Variants in TRIM9 observed in about 807,000 individuals in gnomAD.
The protein encoded by TRIM9 is tripartite motif containing 9, also known as E3 ubiquitin-protein ligase TRIM9.
In TRIM9, 26 loss-of-function variants were observed where a neutral mutation model predicts 78.3. That is an observed-to-expected ratio of 0.33 (90% CI 0.24 to 0.46). The LOEUF (loss-of-function observed/expected upper bound fraction) is 0.46. Among genes scored for constraint, TRIM9 ranks in the 20% least tolerant of loss-of-function variants. The probability of loss-of-function intolerance (pLI) is 1.00; values close to 1 mark genes in which losing one functional copy is unlikely to be tolerated. For synonymous variants in TRIM9, 398 were observed against 416.5 expected, an observed-to-expected ratio of 0.96 and a Z score of 0.54; for missense variants, 787 against 1,036.4, an observed-to-expected ratio of 0.76 and a Z score of 3.30.
chr14:51,017,127 A>G (rs2139707645), intron 3 of TRIM9, among the ~76,000 whole-genome samples: 1 of 152,338 alleles, frequency 6.6e-6, no homozygotes, highest in Middle Eastern at 3.4e-3. Context: ...CTACCATTTC[A>G]TTGTCACGTT....
At chr14:51,083,448 C>G (rs1195209143) in intron 1 of TRIM9, among the ~76,000 whole-genome samples, 2 of 151,698 alleles carry the variant, frequency 1.3e-5, no homozygotes, top group African/African-American at 4.8e-5. Context: ...TTTTAGAGAT[C>G]AGGTCTCAGT....
chr14:51,032,214 C>A (rs964334176), intron 1 of TRIM9, among the ~76,000 whole-genome samples: 30 of 152,308 alleles, frequency 2.0e-4, no homozygotes, highest in African/African-American at 7.0e-4. Flanking sequence ...CAATGGGGAC[C>A]AACATGGCAT....
chr14:51,009,341 T>G (rs1286532428), intron 4 of TRIM9, 108 bp from the exon 5 acceptor site: 1 of 1,373,610 alleles, frequency 7.3e-7, no homozygotes, highest in African/African-American at 1.4e-5. Flanking sequence ...CCTTGAGGAC[T>G]CATACTCTGA....
At chr14:51,079,949 T>C (rs147299319) in intron 1 of TRIM9, among the ~76,000 whole-genome samples, 3 of 152,128 alleles carry the variant, frequency 2.0e-5, no homozygotes, top group Non-Finnish European at 2.9e-5. Flanking sequence ...TAGAGAGTGC[T>C]AGTGGTAAGA....
chr14:51,071,392 A>G (rs1158935641), intron 1 of TRIM9, among the ~76,000 whole-genome samples: 2 of 151,296 alleles, frequency 1.3e-5, no homozygotes, highest in African/African-American at 2.4e-5. Context: ...AAAAAGAAAA[A>G]AAAAAAAAAA....
intron 1 of TRIM9, among the ~76,000 whole-genome samples, chr14:51,085,569 C>T (rs1487145946): frequency 6.6e-6 from 1 of 152,086 alleles, no homozygotes; most frequent in Non-Finnish European, 1.5e-5. Flanking sequence ...TTCTTTTAAC[C>T]ACATAGGCAA....
Position 51,022,925 on chromosome 14 carries a change from C to T in TRIM9, c.951G>A (p.Val317=), listed in dbSNP as rs769430780. The T allele has an allele frequency of 6.2e-7, 1 of 1,614,134 alleles. No individual in the cohort carries two copies. The highest frequency in any genetic ancestry group is 1.3e-5 in the African/African-American group (1 of 75,034). ...ENSVEFEACL[V]AQCDALIDAL... Reference sequence around the variant, plus strand: ...CATCGATGAGGGCATCACATTGGGCCACCAGACAGGCTTCAAACTCCACAC... The same window carrying T: ...CATCGATGAGGGCATCACATTGGGCTACCAGACAGGCTTCAAACTCCACAC... Residue 317 remains valine, a synonymous_variant, in exon 3 of 13, where the codon GTG becomes GTA. Transcript: ENST00000684578.
At chr14:51,030,084 T>C (rs2058600706) in intron 1 of TRIM9, among the ~76,000 whole-genome samples, 1 of 152,202 alleles carries the variant, frequency 6.6e-6, no homozygotes, top group Admixed American at 6.5e-5. Context: ...TTCTGGTGAA[T>C]TTGAAAAAGT....
intron 8 of TRIM9, among the ~76,000 whole-genome samples, chr14:50,983,937 T>C (rs1230041507): frequency 6.6e-6 from 1 of 152,206 alleles, no homozygotes; most frequent in African/African-American, 2.4e-5. Flanking sequence ...AATAATGACA[T>C]GACGAATGTG....
At chr14:51,061,955 G>T (rs191387042) in intron 1 of TRIM9, among the ~76,000 whole-genome samples, 1 of 152,078 alleles carries the variant, frequency 6.6e-6, no homozygotes, top group South Asian at 2.1e-4. Context: ...TATCCCACAC[G>T]TTTCAGACCA....
Position 50,979,439 on chromosome 14 carries a change from T to C in TRIM9, c.2273A>G (p.Asp758Gly). 6.2e-7 allele frequency: 1 copy of C among 1,614,222 alleles called. No homozygotes were observed. The highest frequency in any genetic ancestry group is 1.3e-5 in the African/African-American group (1 of 75,060). ...AGGGAAGAAGAGGCCCTCCACGTTA[T>C]CAAATGCTATGGGACCTTGTTGTTC... ...NDEQQGPIAF[D>G]NVEGLFFPAV... is the part of the protein sequence containing the mutation. The change falls in exon 12 of 13, where the codon GAT becomes GGT. Residue 758 changes from aspartate to glycine, a missense_variant. Around this residue, in one of 3 missense-constraint regions of TRIM9, gnomAD observed 421 missense variants for 514.3 expected, o/e 0.82. Transcript: ENST00000684578.
intron 1 of TRIM9, among the ~76,000 whole-genome samples, chr14:51,087,054 A>T (rs2063824932): frequency 6.6e-6 from 1 of 152,000 alleles, no homozygotes. Flanking sequence ...TGCAGGTGTA[A>T]CTCTGGTAGG....
chr14:51,064,555 A>T (rs1392838629), intron 1 of TRIM9, among the ~76,000 whole-genome samples: 1 of 152,064 alleles, frequency 6.6e-6, no homozygotes. Flanking sequence ...GAAATCAATG[A>T]AATTGAGAAT....
intron 3 of TRIM9, among the ~76,000 whole-genome samples, chr14:51,016,518 CAT>C (rs2057216085): frequency 7.4e-6 from 1 of 135,108 alleles, no homozygotes; most frequent in Non-Finnish European, 1.5e-5. Flanking sequence ...TTAATAATAA[CAT>C]ATCATTAATA....
intron 3 of TRIM9, among the ~76,000 whole-genome samples, chr14:51,011,134 C>T (rs1361918978): frequency 6.6e-6 from 1 of 152,208 alleles, no homozygotes; most frequent in Non-Finnish European, 1.5e-5. Context: ...GAATAACCCA[C>T]TGAAACCACT....
intron 1 of TRIM9, among the ~76,000 whole-genome samples, chr14:51,050,421 C>G (rs950455808): frequency 1.2e-4 from 19 of 152,184 alleles, no homozygotes; most frequent in Non-Finnish European, 2.4e-4. Flanking sequence ...GTAAGACATG[C>G]CTTTCGCCTT....
chr14:50,977,165 C>G lies in TRIM9; in HGVS notation c.*126G>C. On this transcript the variant is annotated 3_prime_UTR_variant, in exon 13 of 13. Transcript: ENST00000684578. The stretch of plus-strand genomic sequence containing the variant: ...TGTGGGTGTAAAGACTGCAGAGGAC[C>G]AGCTTTTCTCTCCTCCTTCTCCCAC... 1.6e-6 allele frequency: 1 copy of G among 642,396 alleles called. No homozygotes were observed. Among genetic ancestry groups the G allele is most frequent in the South Asian group, 4.1e-5 (1 of 24,198 alleles). 39.8% of individuals were successfully genotyped at this position (642,396 alleles called of 1,614,324 possible).
intron 5 of TRIM9, among the ~76,000 whole-genome samples, chr14:51,005,828 GA>G (rs2055715502): frequency 6.6e-6 from 1 of 152,100 alleles, no homozygotes; most frequent in Non-Finnish European, 1.5e-5. Context: ...AGGGATATTT[GA>G]AAAAAGGTAC....
At chr14:51,084,882 G>A (rs2063609418) in intron 1 of TRIM9, among the ~76,000 whole-genome samples, 1 of 152,188 alleles carries the variant, frequency 6.6e-6, no homozygotes, top group Admixed American at 6.5e-5. Flanking sequence ...GGCTTTGGAT[G>A]AGCTGGGCTT....
Sources: allele counts gnomAD v4.1 joint callset (sites outside exome capture counted in the v4.1 genomes callset), GRCh38; gene constraint gnomAD v4.1.1; regional missense constraint gnomAD v4.1.1; transcripts MANE v1.5; gene names NCBI Gene and HGNC (gene_info 2026-07-23, HGNC 2026-07-21).